Variants in MRPL1 observed in about 807,000 individuals in gnomAD.
MRPL1 encodes the protein large ribosomal subunit protein uL1m.
A neutral mutation model predicts 38.0 loss-of-function variants in MRPL1; 28 were observed. That is an observed-to-expected ratio of 0.74 (90% CI 0.55 to 1.01). MRPL1 has a LOEUF of 1.01. MRPL1 is among the 50% of genes least tolerant of loss of function. The probability of loss-of-function intolerance (pLI) is 0.00; values close to 1 mark genes in which losing one functional copy is unlikely to be tolerated. For missense variants in MRPL1, 358 were observed against 389.8 expected, an observed-to-expected ratio of 0.92 and a Z score of 0.69; for synonymous variants, 123 against 126.7, an observed-to-expected ratio of 0.97 and a Z score of 0.20.
chr4:77,917,708 C>T (rs7663359), intron 7 of MRPL1, among the ~76,000 whole-genome samples: 35 of 151,828 alleles, frequency 2.3e-4, no homozygotes, highest in Non-Finnish European at 4.6e-4. Flanking sequence ...TTCTCGTAGG[C>T]GAGATAGATA....
At chr4:77,949,138 C>T (rs1031741723) in intron 7 of MRPL1, among the ~76,000 whole-genome samples, 1 of 152,020 alleles carries the variant, frequency 6.6e-6, no homozygotes, top group African/African-American at 2.4e-5. Flanking sequence ...TGTAATATAA[C>T]GGATTTTAAC....
At chr4:77,868,433 G>A (rs1375493687) in intron 1 of MRPL1, among the ~76,000 whole-genome samples, 1 of 151,978 alleles carries the variant, frequency 6.6e-6, no homozygotes, top group Non-Finnish European at 1.5e-5. Flanking sequence ...AGTAGAGACG[G>A]GGTTTTACCA....
chr4:77,935,553 C>A (rs1314693669), intron 7 of MRPL1, among the ~76,000 whole-genome samples: 1 of 152,014 alleles, frequency 6.6e-6, no homozygotes, highest in Non-Finnish European at 1.5e-5. Context: ...CGCCATCATA[C>A]CTGGTTAATT....
intron 1 of MRPL1, among the ~76,000 whole-genome samples, chr4:77,866,855 C>A (rs1392956793): frequency 1.3e-5 from 2 of 151,164 alleles, no homozygotes; most frequent in African/African-American, 4.9e-5. Context: ...TCAGACGATT[C>A]TCCTGCCTCA....
At chr4:77,881,315 A>C (rs1303269927) in intron 2 of MRPL1, among the ~76,000 whole-genome samples, 2 of 152,144 alleles carry the variant, frequency 1.3e-5, no homozygotes, top group African/African-American at 4.8e-5. Context: ...CCCTCACCAG[A>C]AACCTGTTTT....
rs1320981793 is a variant in MRPL1 at position 77,948,757 on chromosome 4, A to G, written c.778-1040A>G. On this transcript the variant is annotated intron_variant, in intron 7 of 8. Transcript: ENST00000315567. The stretch of plus-strand genomic sequence containing the variant: ...GTTAAGCTACTATAATTTTATATGA[A>G]TCTTCTTCTTCTTCTTTTTTTTTTT... Among the ~76,000 whole-genome samples the G allele has an allele frequency of 2.0e-5, 3 of 149,810 alleles. No individual in the cohort carries two copies. In the Admixed American group the frequency reaches 2.0e-4, roughly 10 times the overall value.
At chr4:77,874,898 C>A (rs569205085) in intron 2 of MRPL1, among the ~76,000 whole-genome samples, 28 of 151,568 alleles carry the variant, frequency 1.8e-4, no homozygotes, top group Non-Finnish European at 2.9e-4. Flanking sequence ...TCTCCTGCCT[C>A]AGCCTCCCGA....
chr4:77,926,493 A>G (rs1038169325), intron 7 of MRPL1, among the ~76,000 whole-genome samples: 1 of 152,122 alleles, frequency 6.6e-6, no homozygotes, highest in Non-Finnish European at 1.5e-5. Context: ...TTGAACATTC[A>G]TGGTGGCTTT....
intron 6 of MRPL1, among the ~76,000 whole-genome samples, chr4:77,898,851 T>G (rs1350875879): frequency 6.6e-6 from 1 of 152,030 alleles, no homozygotes; most frequent in African/African-American, 2.4e-5. Flanking sequence ...TTATAGTAGT[T>G]GAGTATCTAC....
chr4:77,873,704 C>T (rs112097984), intron 2 of MRPL1, among the ~76,000 whole-genome samples: 45 of 152,274 alleles, frequency 3.0e-4, no homozygotes, highest in African/African-American at 1.1e-3. Flanking sequence ...GCACACATTC[C>T]GTTCCTCTGT....
At chr4:77,930,958 CA>C (rs1187221469) in intron 7 of MRPL1, among the ~76,000 whole-genome samples, 1 of 152,170 alleles carries the variant, frequency 6.6e-6, no homozygotes, top group Admixed American at 6.5e-5. Context: ...GACGAGACAG[CA>C]GAAGACTCTA....
chr4:77,937,136 G>A (rs1409824931), intron 7 of MRPL1, among the ~76,000 whole-genome samples: 2 of 151,316 alleles, frequency 1.3e-5, no homozygotes, highest in East Asian at 2.0e-4. Flanking sequence ...AAAAAAAAAA[G>A]AAGAAAGGTG....
chr4:77,941,329 C>CT (rs1027249503), intron 7 of MRPL1, among the ~76,000 whole-genome samples: 3 of 149,504 alleles, frequency 2.0e-5, no homozygotes, highest in African/African-American at 7.3e-5. Context: ...CTGTAGTTTT[C>CT]TTTTTTTGTT....
chr4:77,936,168 A>AT (rs5859592), intron 7 of MRPL1, among the ~76,000 whole-genome samples: 38,966 of 148,776 alleles, frequency 0.26, 5,669 homozygotes, highest in East Asian at 0.47. Context: ...GTATGGACGT[A>AT]TTTTTTTTTT....
At chr4:77,909,558 T>C (rs1736240700) in intron 7 of MRPL1, among the ~76,000 whole-genome samples, 186 bp downstream of exon 7, 1 of 152,234 alleles carries the variant, frequency 6.6e-6, no homozygotes, top group East Asian at 1.9e-4. Context: ...ATTTTAATGG[T>C]ACTTGAGAAT....
intron 7 of MRPL1, among the ~76,000 whole-genome samples, chr4:77,915,245 C>T (rs1390131928): frequency 6.6e-6 from 1 of 152,144 alleles, no homozygotes; most frequent in Non-Finnish European, 1.5e-5. Context: ...TATCAATGTG[C>T]TAAATATGGT....
chr4:77,885,224 T>G, intron 3 of MRPL1, 32 bp from the exon 4 acceptor site: 5 of 1,493,224 alleles, frequency 3.3e-6, no homozygotes, highest in Non-Finnish European at 4.7e-6. Context: ...AGATTAACTT[T>G]ACGTAATTAT....
chr4:77,886,652 A>AT (rs1156755641), intron 4 of MRPL1, among the ~76,000 whole-genome samples: 3 of 150,278 alleles, frequency 2.0e-5, no homozygotes, highest in Non-Finnish European at 4.4e-5. Flanking sequence ...AATTTTTAAT[A>AT]TTTTTTTGTA....
chr4:77,923,093 T>C (rs773129586), intron 7 of MRPL1, among the ~76,000 whole-genome samples: 18 of 152,184 alleles, frequency 1.2e-4, no homozygotes, highest in Non-Finnish European at 2.4e-4. Context: ...ATTTTTGTTA[T>C]TTATCTATTT....
Sources: gnomAD v4.1 joint callset for allele counts (sites outside exome capture counted in the v4.1 genomes callset) on GRCh38, gnomAD v4.1.1 for gene constraint, MANE v1.5 for transcripts, NCBI Gene and HGNC (gene_info 2026-07-23, HGNC 2026-07-21) for gene names.